RYR1: variants seen among roughly 807,000 people sequenced by gnomAD.
RYR1 encodes ryanodine receptor 1, also known as central core disease of muscle.
Under a neutral mutation model 583.5 loss-of-function variants are expected in RYR1, and 342 were observed. The ratio of observed to expected loss-of-function variants is 0.59; its 90% CI spans 0.54 to 0.64. The LOEUF (loss-of-function observed/expected upper bound fraction) is 0.64. Ranked by LOEUF, RYR1 falls within the 30% of genes least tolerant of loss-of-function variation. The probability of loss-of-function intolerance (pLI) is 0.00; values close to 1 mark genes in which losing one functional copy is unlikely to be tolerated. For synonymous variants in RYR1, 2,791 were observed against 2,822.5 expected (o/e 0.99, Z 0.35); for missense variants, 6,032 against 6,917.2 (o/e 0.87, Z 4.54).
In RYR1 at chr19:38,473,427, C is replaced by G. The variant is rs372061013; in HGVS notation, c.3816C>G (p.Thr1272=). ...ACACGCCCCCCTGCCTGCGCCTGACCCACCGCACCTGGGGCTCCCAGAACA... is the reference window on the plus strand; with the variant it reads ...ACACGCCCCCCTGCCTGCGCCTGACGCACCGCACCTGGGGCTCCCAGAACA... ...TVDTPPCLRL[T]HRTWGSQNSL... Residue 1272 remains threonine, a synonymous_variant, in exon 28 of 106, where the codon ACC becomes ACG. Transcript: ENST00000359596. The G allele has an allele frequency of 6.2e-7, 1 of 1,613,932 alleles. No individual in the cohort carries two copies. The highest frequency in any genetic ancestry group is 2.2e-5 in the East Asian group (1 of 44,868).
At position 38,458,143 on chromosome 19, in the gene RYR1, T is replaced by C; in HGVS notation, c.2018T>C (p.Phe673Ser). 1.2e-6 allele frequency: 2 copies of C among 1,613,938 alleles called. No individual in the cohort carries two copies. The highest frequency in any genetic ancestry group is 2.2e-5 in the South Asian group (2 of 91,076). ...FEVMVDEVTP[F>S]LTAQATHLRV... is the part of the protein sequence containing the mutation. ...GTGATGGTGGACGAGGTGACTCCAT[T>C]TCTGACAGCTCAGGCCACCCACTTG... The change falls in exon 18 of 106, where the codon TTT (phenylalanine) becomes TCT (serine). Residue 673 changes from phenylalanine to serine, a missense_variant. Phe to Ser is a radical substitution (Grantham distance 155). Around this residue, in one of 11 missense-constraint regions of RYR1, gnomAD observed 2,627 missense variants for 2,961.3 expected, o/e 0.89. Coordinates refer to ENST00000359596, the MANE Select transcript of RYR1 (RefSeq NM_000540.3).
rs149020343 is a variant in RYR1 at position 38,555,928 on chromosome 19, A to G, written c.12283-5185A>G. 4.5e-3 allele frequency among the ~76,000 whole-genome samples: 686 copies of G among 152,086 alleles called. 3 individuals are homozygous for G. The highest frequency in any genetic ancestry group is 0.016 in the African/African-American group (646 of 41,494). ...GTCCAGGCTGGAGTGCAGTGGGGCAATCTCAGCTCACTGTAACCTCCACCT... is the reference window on the plus strand; with the variant it reads ...GTCCAGGCTGGAGTGCAGTGGGGCAGTCTCAGCTCACTGTAACCTCCACCT... On this transcript the variant is annotated intron_variant, in intron 89 of 105. Transcript: ENST00000359596.
At chr19:38,573,350 C>A (rs1165392325) in intron 96 of RYR1, 43 bp downstream of exon 96, 1 of 1,605,230 alleles carries the variant, frequency 6.2e-7, no homozygotes, top group Non-Finnish European at 8.5e-7. Flanking sequence ...CAGGAGGGGA[C>A]CTGGGTTTCC....
At chr19:38,445,323 G>C (rs58008023) in intron 7 of RYR1, among the ~76,000 whole-genome samples, 2 of 147,636 alleles carry the variant, frequency 1.4e-5, no homozygotes, top group Non-Finnish European at 1.5e-5. Context: ...TCAAACCTCA[G>C]ATCCCCAAAC....
At chr19:38,554,127 G>GC (rs148630282) in intron 89 of RYR1, among the ~76,000 whole-genome samples, 1,855 of 152,042 alleles carry the variant, frequency 0.012, 42 homozygotes, top group African/African-American at 0.042. Context: ...AGTTCCAGCA[G>GC]ATGGAGGGAA....
In RYR1 at chr19:38,578,185, G is replaced by T. The variant is rs770184387; in HGVS notation, c.14345G>T (p.Gly4782Val). 1 of 1,613,670 alleles carries T rather than the reference G, an allele frequency of 6.2e-7. No individual in the cohort carries two copies. The highest frequency in any genetic ancestry group is 1.1e-5 in the South Asian group (1 of 91,018). Reference sequence around the variant, plus strand: ...GTCAAGTACCAGATCTGGAAGTTCGGGGTCATCTTCACAGACAACGTGAGC... The same window carrying T: ...GTCAAGTACCAGATCTGGAAGTTCGTGGTCATCTTCACAGACAACGTGAGC... ...IDVKYQIWKF[G>V]VIFTDNSFLY... The change falls in exon 99 of 106, where the codon GGG becomes GTG. Residue 4782 changes from glycine to valine, a missense_variant. Transcript: ENST00000359596.
At chr19:38,460,185 T>G (rs1967649806) in intron 19 of RYR1, among the ~76,000 whole-genome samples, 190 bp from the exon 20 acceptor site, 1 of 152,292 alleles carries the variant, frequency 6.6e-6, no homozygotes, top group Non-Finnish European at 1.5e-5. Context: ...AATTCCCTTA[T>G]GATATTCCTT....
chr19:38,549,627 A>C (rs1972573435), intron 89 of RYR1, among the ~76,000 whole-genome samples: 2 of 151,586 alleles, frequency 1.3e-5, no homozygotes, highest in Non-Finnish European at 2.9e-5. Flanking sequence ...GAATTTCTGA[A>C]TACCTTTCAC....
At chr19:38,575,095 TG>T (rs1973898330) in intron 96 of RYR1, among the ~76,000 whole-genome samples, 1 of 151,650 alleles carries the variant, frequency 6.6e-6, no homozygotes. Flanking sequence ...GGCATCAATT[TG>T]TCACTTGGAA....
At position 38,486,138 on chromosome 19, in the gene RYR1, AC is replaced by A. The variant is rs887506743; in HGVS notation, c.5487del (p.Val1830SerfsTer21). Reference protein sequence around the residue: ...AVRDGGQHARDPVGGSVEFQF... With the variant: ...AVRDGGQHARXPVGGSVEFQF... ...CGCGACGGTGGGCAGCACGCTCGCG[AC>A]CCCGTCGGGGGCTCCGTGGAGTTCC... On this transcript the variant is annotated frameshift_variant, in exon 34 of 106. Coordinates refer to ENST00000359596, the MANE Select transcript of RYR1 (RefSeq NM_000540.3). LOFTEE classifies it high-confidence loss of function. 1 of 1,612,680 alleles carries A rather than the reference AC, an allele frequency of 6.2e-7. No homozygotes were observed. Among genetic ancestry groups the A allele is most frequent in the Non-Finnish European group, 8.5e-7 (1 of 1,179,846 alleles).
rs752103238 is a variant in RYR1, at chr19:38,458,079, G to A, written c.1954G>A (p.Ala652Thr). 9 of 1,613,710 alleles carry A rather than the reference G, an allele frequency of 5.6e-6. No homozygotes were observed. The South Asian group carries it at 9.9e-5, about 18-fold the overall frequency. ...CCGCCCCAACATCTTTGTGGGCCGA[G>A]CGGAAGGCACCACGCAGTACAGCAA... ...SIRPNIFVGR[A>T]EGTTQYSKWY... Residue 652 changes from alanine to threonine, a missense_variant, in exon 18 of 106, where the codon GCG (alanine) becomes ACG (threonine). Physicochemically the swap from Ala to Thr is moderately conservative, Grantham distance 58 (BLOSUM62 0). Transcript: ENST00000359596.
At chr19:38,465,004 T>C (rs1968018013) in intron 23 of RYR1, among the ~76,000 whole-genome samples, 1 of 152,086 alleles carries the variant, frequency 6.6e-6, no homozygotes, top group Non-Finnish European at 1.5e-5. Context: ...AGGTCACATG[T>C]CCACGTAAGG....
chr19:38,560,940 C>T (rs1347751175), intron 89 of RYR1, among the ~76,000 whole-genome samples, 173 bp from the exon 90 acceptor site: 1 of 149,400 alleles, frequency 6.7e-6, no homozygotes, highest in African/African-American at 2.5e-5. Flanking sequence ...TACTTGAGCC[C>T]GGGGGTGGGG....
Position 38,440,817 on chromosome 19 carries a change from GGCTTCGGCAACCGCCTGT to G in RYR1, c.124_141del (p.Gly42_Phe47del). ...GCTCAAGCTCTGCCTGGCCGCCGAGGGCTTCGGCAACCGCCTGTGCTTCCTGGAGCCCACTAGCAACGC... is the reference window on the plus strand; with the variant it reads ...GCTCAAGCTCTGCCTGGCCGCCGAGGGCTTCCTGGAGCCCACTAGCAACGC... On this transcript the variant is annotated inframe_deletion, in exon 2 of 106. Coordinates refer to ENST00000359596, the MANE Select transcript of RYR1 (RefSeq NM_000540.3). The G allele has an allele frequency of 1.2e-6, 2 of 1,610,068 alleles. No homozygotes were observed. The highest frequency in any genetic ancestry group is 1.7e-6 in the Non-Finnish European group (2 of 1,179,002).
At chr19:38,479,118 G>A (rs1426934197) in intron 31 of RYR1, among the ~76,000 whole-genome samples, 1 of 152,164 alleles carries the variant, frequency 6.6e-6, no homozygotes, top group African/African-American at 2.4e-5. Flanking sequence ...CTTGAGCTGG[G>A]TGACACCAGT....
rs969393110 is a variant in RYR1, at chr19:38,528,521, T to TG, written c.10938-73dup. On this transcript the variant is annotated intron_variant, in intron 74 of 105. Transcript: ENST00000359596. Reference sequence around the variant, plus strand: ...AACGTGATGGGGCCTTGAGGGTGGTTGGGGGCTGCAGGCGCATGGGAGGTC... The same window carrying TG: ...AACGTGATGGGGCCTTGAGGGTGGTTGGGGGGCTGCAGGCGCATGGGAGGTC... The TG allele has an allele frequency of 8.4e-5, 134 of 1,594,588 alleles. 1 individual carries two copies. The East Asian group carries it at 2.8e-3, about 34-fold the overall frequency.
At chr19:38,452,015 G>T (rs1259941621) in intron 12 of RYR1, 130 bp downstream of exon 12, 17 of 1,301,732 alleles carry the variant, frequency 1.3e-5, no homozygotes, top group Non-Finnish European at 2.2e-6. Flanking sequence ...TGGGCCAAGC[G>T]CAGTGGCTCA....
intron 73 of RYR1, chr19:38,528,064 G>A (rs1187989497): frequency 4.8e-6 from 3 of 625,572 alleles, no homozygotes; most frequent in Middle Eastern, 4.3e-4. Context: ...CCTTGGGTGG[G>A]TCGTAGAATT....
At chr19:38,550,875 CT>C (rs779442486) in intron 89 of RYR1, among the ~76,000 whole-genome samples, 3 of 152,030 alleles carry the variant, frequency 2.0e-5, no homozygotes, top group Admixed American at 6.6e-5. Context: ...AATTATTCCT[CT>C]AGTAGCTGAC....
Sources: allele counts gnomAD v4.1 joint callset (sites outside exome capture counted in the v4.1 genomes callset), GRCh38; gene constraint gnomAD v4.1.1; regional missense constraint gnomAD v4.1.1; transcripts MANE v1.5; gene names NCBI Gene and HGNC (gene_info 2026-07-23, HGNC 2026-07-21).